PDGFC: variants seen among roughly 807,000 people sequenced by gnomAD.
PDGFC encodes the protein platelet-derived growth factor C.
In PDGFC, 12 loss-of-function variants were observed where a neutral mutation model predicts 35.5. The ratio of observed to expected loss-of-function variants is 0.34; its 90% CI spans 0.22 to 0.55. The LOEUF is 0.55. Ranked by LOEUF, PDGFC falls within the 20% of genes least tolerant of loss-of-function variation. The probability of loss-of-function intolerance (pLI) is 0.91; values close to 1 mark genes in which losing one functional copy is unlikely to be tolerated. For missense variants in PDGFC, 322 were observed against 412.4 expected (o/e 0.78, Z 1.90); for synonymous variants, 159 against 148.8 (o/e 1.07, Z -0.50).
At chr4:156,905,477 C>G (rs148987690) in intron 1 of PDGFC, among the ~76,000 whole-genome samples, 9 of 152,118 alleles carry the variant, frequency 5.9e-5, no homozygotes, top group African/African-American at 2.2e-4. Flanking sequence ...GAAATCATGA[C>G]TCAAGGAGAT....
At chr4:156,782,484 G>A (rs1310872253) in intron 3 of PDGFC, among the ~76,000 whole-genome samples, 1 of 152,064 alleles carries the variant, frequency 6.6e-6, no homozygotes, top group Non-Finnish European at 1.5e-5. Context: ...AAATATAAAT[G>A]ATAATTATTT....
intron 2 of PDGFC, among the ~76,000 whole-genome samples, chr4:156,811,998 T>A (rs1433780002): frequency 6.6e-6 from 1 of 152,114 alleles, no homozygotes; most frequent in East Asian, 1.9e-4. Flanking sequence ...CTACTACAGT[T>A]CATCTAACTA....
At chr4:156,768,302 C>T (rs1486749463) in intron 4 of PDGFC, among the ~76,000 whole-genome samples, 1 of 131,572 alleles carries the variant, frequency 7.6e-6, no homozygotes, top group Non-Finnish European at 1.6e-5. Context: ...AAAGGCCACA[C>T]GTTTTAACCT....
rs759716749 is a variant in PDGFC at position 156,850,249 on chromosome 4, G to T, written c.286C>A (p.Leu96Ile). ...IQLTFDERFGLEDPEDDICKY... is the reference protein window; with the variant it reads ...IQLTFDERFGIEDPEDDICKY... ...CATATGTCATCTTCTGGGTCTTCAA[G>T]CCCAAATCTTTCATCAAACGTAAGT... Residue 96 changes from leucine (L) to isoleucine (I), a missense_variant, in exon 2 of 6, where the codon CTT becomes ATT. By Grantham distance (5) the Leu-to-Ile change is conservative. Transcript: ENST00000502773. 6.3e-7 allele frequency: 1 copy of T among 1,593,270 alleles called. No homozygotes were observed. The highest frequency in any genetic ancestry group is 1.1e-5 in the South Asian group (1 of 87,434).
chr4:156,935,549 T>G (rs1731658876), intron 1 of PDGFC, among the ~76,000 whole-genome samples: 1 of 152,172 alleles, frequency 6.6e-6, no homozygotes, highest in South Asian at 2.1e-4. Flanking sequence ...GGGATAGGAA[T>G]TTTTCAGCTC....
intron 1 of PDGFC, among the ~76,000 whole-genome samples, chr4:156,872,808 C>T (rs1014376258): frequency 5.3e-5 from 8 of 152,100 alleles, no homozygotes; most frequent in African/African-American, 1.9e-4. Context: ...TTATTTGTAT[C>T]CATAGTCTCT....
At chr4:156,852,544 T>A (rs1306177939) in intron 1 of PDGFC, among the ~76,000 whole-genome samples, 1 of 152,186 alleles carries the variant, frequency 6.6e-6, no homozygotes, top group Non-Finnish European at 1.5e-5. Flanking sequence ...GCACTAGTGA[T>A]CTCACTTCCT....
chr4:156,936,855 G>A (rs1335786700), intron 1 of PDGFC, among the ~76,000 whole-genome samples: 4 of 152,170 alleles, frequency 2.6e-5, no homozygotes, highest in Non-Finnish European at 4.4e-5. Flanking sequence ...GTATGTCAAC[G>A]AAGCAGCAAA....
chr4:156,966,312 A>G (rs1366220482), intron 1 of PDGFC, among the ~76,000 whole-genome samples: 1 of 152,228 alleles, frequency 6.6e-6, no homozygotes. Context: ...ACAGAGTTAT[A>G]TATTCTGATT....
intron 3 of PDGFC, among the ~76,000 whole-genome samples, chr4:156,792,206 G>A (rs1355862722): frequency 1.3e-5 from 2 of 152,186 alleles, no homozygotes; most frequent in East Asian, 3.9e-4. Flanking sequence ...TTAGGAAAGT[G>A]ATTAAATAAA....
At chr4:156,913,883 T>C (rs1475011434) in intron 1 of PDGFC, among the ~76,000 whole-genome samples, 2 of 152,204 alleles carry the variant, frequency 1.3e-5, no homozygotes, top group African/African-American at 4.8e-5. Context: ...AGGTGCCCTT[T>C]GCTGCTGTCT....
intron 5 of PDGFC, 102 bp from the exon 6 acceptor site, chr4:156,763,308 A>G: frequency 4.9e-6 from 3 of 618,122 alleles, no homozygotes; most frequent in Non-Finnish European, 6.1e-6. Flanking sequence ...GGGGCCCAAG[A>G]AAGACACATA....
chr4:156,965,596 G>A (rs1204814623), intron 1 of PDGFC, among the ~76,000 whole-genome samples: 1 of 152,048 alleles, frequency 6.6e-6, no homozygotes, highest in African/African-American at 2.4e-5. Context: ...TGCAAGAGCA[G>A]CTGGTTAGTG....
At position 156,824,285 on chromosome 4, in the gene PDGFC, CATATATATATAT is replaced by C. The variant is rs58698115; in HGVS notation, c.315-13280_315-13269del. On this transcript the variant is annotated intron_variant, in intron 2 of 5. Transcript: ENST00000502773. Reference sequence around the variant, plus strand: ...TTTAACCCGTCTAGAACAATGTAAGCATATATATATATATATATATATATATATATATATATA... The same window carrying C: ...TTTAACCCGTCTAGAACAATGTAAGCATATATATATATATATATATATATA... 3.3e-3 allele frequency among the ~76,000 whole-genome samples: 308 copies of C among 92,854 alleles called. 4 individuals are homozygous for C. Among genetic ancestry groups the C allele is most frequent in the African/African-American group, 0.012 (263 of 21,602 alleles). The allele number at this position is 92,854 out of a possible 152,430, so 60.9% of individuals were successfully genotyped here.
chr4:156,862,429 TG>T (rs1484379008), intron 1 of PDGFC, among the ~76,000 whole-genome samples: 3 of 152,176 alleles, frequency 2.0e-5, no homozygotes, highest in African/African-American at 7.2e-5. Flanking sequence ...AATTGAACAC[TG>T]ATGAAACTAC....
intron 1 of PDGFC, among the ~76,000 whole-genome samples, chr4:156,870,206 A>C (rs1729945888): frequency 6.6e-6 from 1 of 152,050 alleles, no homozygotes; most frequent in Non-Finnish European, 1.5e-5. Flanking sequence ...TCTCTCTAAC[A>C]TGTCTTCTTC....
intron 1 of PDGFC, among the ~76,000 whole-genome samples, chr4:156,963,017 C>T (rs945969856): frequency 1.3e-5 from 2 of 152,182 alleles, no homozygotes; most frequent in Middle Eastern, 3.4e-3. Context: ...AATGTAAATC[C>T]ACATCCTTGC....
chr4:156,887,905 AG>A (rs1402693766), intron 1 of PDGFC, among the ~76,000 whole-genome samples: 1 of 150,406 alleles, frequency 6.6e-6, no homozygotes, highest in East Asian at 2.0e-4. Context: ...TGGGAGGCTG[AG>A]GTGGGAGAAT....
intron 3 of PDGFC, among the ~76,000 whole-genome samples, chr4:156,773,981 T>C (rs2110821472): frequency 6.6e-6 from 1 of 152,320 alleles, no homozygotes; most frequent in Middle Eastern, 3.4e-3. Flanking sequence ...AAACATGTAC[T>C]ATAAATAGCA....
Sources: gnomAD v4.1 joint callset for allele counts (sites outside exome capture counted in the v4.1 genomes callset) on GRCh38, gnomAD v4.1.1 for gene constraint, MANE v1.5 for transcripts, NCBI Gene and HGNC (gene_info 2026-07-23, HGNC 2026-07-21) for gene names.